GPR132: variants seen among roughly 807,000 people sequenced by gnomAD.
The protein encoded by GPR132 is probable G protein-coupled receptor 132.
A neutral mutation model predicts 1.9 loss-of-function variants in GPR132; 4 were observed. That is an observed-to-expected ratio of 2.13 (90% CI 1.05 to 4.87). The LOEUF (loss-of-function observed/expected upper bound fraction) is 4.87. Ranked by LOEUF, GPR132 falls within the 30% of genes most tolerant of loss-of-function variation. The pLI is 0.01. For missense variants in GPR132, 404 were observed against 512.5 expected, an observed-to-expected ratio of 0.79 and a Z score of 2.04; for synonymous variants, 233 against 234.2, an observed-to-expected ratio of 0.99 and a Z score of 0.05.
intron 3 of GPR132, chr14:105,054,423 TTTTC>T: frequency 8.6e-6 from 8 of 928,456 alleles, no homozygotes; most frequent in Non-Finnish European, 7.5e-6. Flanking sequence ...CGCTCTTTTT[TTTTC>T]TTTTTTTTTT....
intron 1 of GPR132, among the ~76,000 whole-genome samples, chr14:105,062,551 T>C (rs1170531621): frequency 2.0e-5 from 3 of 147,556 alleles, no homozygotes; most frequent in African/African-American, 7.5e-5. Context: ...TTTTTTTTTT[T>C]TTTTTTTGAG....
In GPR132 at chr14:105,056,147, T is replaced by A. The variant is rs553051143; in HGVS notation, c.-727A>T. 1 of 986,134 alleles carries A rather than the reference T, an allele frequency of 1.0e-6. No homozygotes were observed. Among genetic ancestry groups the A allele is most frequent in the East Asian group, 1.1e-4 (1 of 8,834 alleles). The allele number at this position is 986,134 out of a possible 1,614,324, so 61.1% of individuals were successfully genotyped here. ...TGGGTTTCTCCGGGTGAGTGTCGTG[T>A]CCCTTGCTCACCTTCCTCCCTGGGC... is the stretch of plus-strand genomic sequence containing the variant. On this transcript the variant is annotated 5_prime_UTR_variant, in exon 3 of 4. Transcript: ENST00000329797. This position sits in a 1 kb window ranked among gnomAD's most constrained non-coding sequence, Gnocchi z 6.0.
chr14:105,051,323 A>G lies in GPR132; in HGVS notation c.814T>C (p.Tyr272His). The stretch of plus-strand genomic sequence containing the variant: ...CACATGGCGTTCCTGTCTCCTCTGT[A>G]GTAGGAAAAGGCAGCGGCTTTGACG... ...LLVKAAAFSY[Y>H]RGDRNAMCGL... The change falls in exon 4 of 4, where the codon TAC becomes CAC. Residue 272 changes from tyrosine (Y) to histidine (H), a missense_variant. Physicochemically the swap from Tyr to His is moderately conservative, Grantham distance 83. Coordinates refer to ENST00000329797, the MANE Select transcript of GPR132 (RefSeq NM_013345.4). The surrounding 1 kb of genome is among the most constrained non-coding windows in gnomAD (Gnocchi z 8.0). The G allele has an allele frequency of 1.2e-6, 2 of 1,614,006 alleles. No homozygotes were observed. Among genetic ancestry groups the G allele is most frequent in the Non-Finnish European group, 1.7e-6 (2 of 1,179,852 alleles).
rs1306330556 is a variant in GPR132 at position 105,060,897 on chromosome 14, C to T, written c.-860-3617G>A. On this transcript the variant is annotated intron_variant, in intron 1 of 3. Coordinates refer to ENST00000329797, the MANE Select transcript of GPR132 (RefSeq NM_013345.4). This position sits in a 1 kb window ranked among gnomAD's most constrained non-coding sequence, Gnocchi z 6.3. Reference sequence around the variant, plus strand: ...ACGCTCCCCTCCCGGGCCCCAGCCGCAGGCAGAGGCTCACAGCGAGGCCCC... The same window carrying T: ...ACGCTCCCCTCCCGGGCCCCAGCCGTAGGCAGAGGCTCACAGCGAGGCCCC... Among the ~76,000 whole-genome samples the T allele has an allele frequency of 6.6e-6, 1 of 152,238 alleles. No homozygotes were observed. Among genetic ancestry groups the T allele is most frequent in the South Asian group, 2.1e-4 (1 of 4,834 alleles).
At position 105,051,818 on chromosome 14, in the gene GPR132, G is replaced by A. The variant is rs201002260; in HGVS notation, c.319C>T (p.Arg107Cys). The change falls in exon 4 of 4, where the codon CGC (arginine) becomes TGC (cysteine). Residue 107 changes from arginine to cysteine, a missense_variant. Transcript: ENST00000329797. This position sits in a 1 kb window ranked among gnomAD's most constrained non-coding sequence, Gnocchi z 8.0. ...LWVIYIRNQH[R>C]WTLGLLACKV... is the part of the protein sequence containing the mutation. ...CAGGCCAGCAGGCCTAGGGTCCAGC[G>A]GTGCTGGTTGCGGATATAGATGACC... The A allele has an allele frequency of 3.6e-5, 58 of 1,614,114 alleles. No homozygotes were observed. The highest frequency in any genetic ancestry group is 8.3e-5 in the Admixed American group (5 of 60,026).
chr14:105,057,687 ATT>A (rs569000530), intron 1 of GPR132, among the ~76,000 whole-genome samples: 35 of 100,378 alleles, frequency 3.5e-4, no homozygotes, highest in Admixed American at 5.1e-4. Flanking sequence ...CCCCCAGCTA[ATT>A]TTTTTTTTTT....
Position 105,052,071 on chromosome 14 carries a change from C to A in GPR132, c.66G>T (p.Pro22=). ...TGGCGGAGAGGCCCAGGGAGGCCCACGGGGCAGTGGTGGTCACTGGGGTGG... is the reference window on the plus strand; with the variant it reads ...TGGCGGAGAGGCCCAGGGAGGCCCAAGGGGCAGTGGTGGTCACTGGGGTGG... ...GNATPVTTTA[P]WASLGLSAKT... Residue 22 remains proline (P), a synonymous_variant, in exon 4 of 4, where the codon CCG becomes CCT. Transcript: ENST00000329797. The A allele has an allele frequency of 6.3e-7, 1 of 1,594,462 alleles. No homozygotes were observed. Among genetic ancestry groups the A allele is most frequent in the Non-Finnish European group, 8.5e-7 (1 of 1,174,400 alleles).
intron 1 of GPR132, among the ~76,000 whole-genome samples, chr14:105,058,330 C>T (rs957246692): frequency 2.0e-5 from 3 of 152,122 alleles, no homozygotes; most frequent in East Asian, 1.9e-4. Flanking sequence ...TGCTGCACTC[C>T]GGCCTGGCTA....
intron 1 of GPR132, among the ~76,000 whole-genome samples, chr14:105,062,733 G>C (rs1886981152): frequency 6.6e-6 from 1 of 151,404 alleles, no homozygotes; most frequent in Admixed American, 6.6e-5. Flanking sequence ...TAGAAACAGG[G>C]TTTTGCCATG....
In GPR132 at chr14:105,051,105, G is replaced by C. The variant is rs778680528; in HGVS notation, c.1032C>G (p.Thr344=). The C allele has an allele frequency of 6.2e-7, 1 of 1,614,156 alleles. No homozygotes were observed. The highest frequency in any genetic ancestry group is 8.5e-7 in the Non-Finnish European group (1 of 1,180,010). The change falls in exon 4 of 4, where the codon ACC becomes ACG. Residue 344 remains threonine, a synonymous_variant. Coordinates refer to ENST00000329797, the MANE Select transcript of GPR132 (RefSeq NM_013345.4). The surrounding 1 kb of genome is among the most constrained non-coding windows in gnomAD (Gnocchi z 8.0). ...GGGCCACGGGCGACTGCAGCTCCTC[G>C]GTGTCCCTGCTGTGGGTGAGCCTGG... ...DVTRLTHSRD[T]EELQSPVALA...
intron 3 of GPR132, chr14:105,054,319 C>T: frequency 1.0e-6 from 1 of 985,406 alleles, no homozygotes; most frequent in Non-Finnish European, 1.2e-6. Flanking sequence ...GTCGTAGTTT[C>T]CTTGACCTCC....
intron 1 of GPR132, among the ~76,000 whole-genome samples, chr14:105,062,751 G>A (rs1886981605): frequency 6.6e-6 from 1 of 151,590 alleles, no homozygotes; most frequent in Non-Finnish European, 1.5e-5. Flanking sequence ...ATGTTGCCTA[G>A]GCAGGTCTTG....
chr14:105,061,744 G>C (rs550260756), intron 1 of GPR132, among the ~76,000 whole-genome samples: 17 of 150,082 alleles, frequency 1.1e-4, no homozygotes, highest in Non-Finnish European at 1.8e-4. Context: ...CACCCTCCTG[G>C]GGGGGGGGAG....
At position 105,051,838 on chromosome 14, in the gene GPR132, A is replaced by G. The variant is rs1467975608; in HGVS notation, c.299T>C (p.Ile100Thr). The G allele has an allele frequency of 3.1e-6, 5 of 1,613,954 alleles. No homozygotes were observed. The African/African-American group carries it at 4.0e-5, about 13-fold the overall frequency. Residue 100 changes from isoleucine (I) to threonine (T), a missense_variant, in exon 4 of 4, where the codon ATC (isoleucine) becomes ACC (threonine). By Grantham distance (89) the Ile-to-Thr change is moderately conservative (BLOSUM62 -1). Transcript: ENST00000329797. The surrounding 1 kb of genome is among the most constrained non-coding windows in gnomAD (Gnocchi z 8.0). ...LYTGTLPLWV[I>T]YIRNQHRWTL... ...CCAGCGGTGCTGGTTGCGGATATAG[A>G]TGACCCAGAGTGGCAGCGTGCCTGT...
chr14:105,051,856 G>A lies in GPR132; in HGVS notation c.281C>T (p.Thr94Met). The change falls in exon 4 of 4, where the codon ACG becomes ATG. Residue 94 changes from threonine (T) to methionine (M), a missense_variant. Transcript: ENST00000329797. This position sits in a 1 kb window ranked among gnomAD's most constrained non-coding sequence, Gnocchi z 8.0. ...GATATAGATGACCCAGAGTGGCAGC[G>A]TGCCTGTGTACAGCAGCTCGCAGAG... ...LALCELLYTGTLPLWVIYIRN... is the reference protein window; with the variant it reads ...LALCELLYTGMLPLWVIYIRN... The A allele has an allele frequency of 1.2e-6, 2 of 1,613,954 alleles. No homozygotes were observed. Among genetic ancestry groups the A allele is most frequent in the Non-Finnish European group, 1.7e-6 (2 of 1,180,024 alleles).
intron 2 of GPR132, 74 bp downstream of exon 2, chr14:105,057,093 G>A: frequency 9.3e-7 from 1 of 1,075,854 alleles, no homozygotes; most frequent in Non-Finnish European, 1.4e-6. Context: ...TTTGAATTAT[G>A]AGACAACATG....
rs118043270 is a variant in GPR132, at chr14:105,054,109, T to G, written c.34+1278A>C. 5,477 of 1,288,052 alleles carry G rather than the reference T, an allele frequency of 4.3e-3. 18 individuals are homozygous for G. The highest frequency in any genetic ancestry group is 4.6e-3 in the Non-Finnish European group (4,510 of 988,138). 79.8% of individuals were successfully genotyped at this position (1,288,052 alleles called of 1,614,324 possible). The stretch of plus-strand genomic sequence containing the variant: ...CTTCTGGGCCTTCTGTGGTTACAGA[T>G]CATGGAGTCCCACCTCCAGGTCAGC... On this transcript the variant is annotated intron_variant, in intron 3 of 3. Transcript: ENST00000329797.
chr14:105,051,968 C>A lies in GPR132; in HGVS notation c.169G>T (p.Val57Leu). ...CACGCAGTCAGGCAGTTGGCCGGCACCCCCAGCGTGCACACCGCGCTGTAC... is the reference window on the plus strand; with the variant it reads ...CACGCAGTCAGGCAGTTGGCCGGCAACCCCAGCGTGCACACCGCGCTGTAC... The part of the protein sequence containing the change: ...VVYSAVCTLG[V>L]PANCLTAWLA... Residue 57 changes from valine (V) to leucine (L), a missense_variant, in exon 4 of 4, where the codon GTG becomes TTG. By Grantham distance (32) the Val-to-Leu change is conservative (BLOSUM62 1). Transcript: ENST00000329797. The surrounding 1 kb of genome is among the most constrained non-coding windows in gnomAD (Gnocchi z 8.0). 1 of 1,613,266 alleles carries A rather than the reference C, an allele frequency of 6.2e-7. No individual in the cohort carries two copies. Among genetic ancestry groups the A allele is most frequent in the Non-Finnish European group, 8.5e-7 (1 of 1,179,930 alleles).
intron 1 of GPR132, among the ~76,000 whole-genome samples, chr14:105,062,602 G>A (rs538594183): frequency 9.9e-5 from 14 of 141,826 alleles, no homozygotes; most frequent in East Asian, 8.4e-4. Flanking sequence ...GTAAAGTGGC[G>A]CGATCTTGGC....
Sources: allele counts gnomAD v4.1 joint callset (sites outside exome capture counted in the v4.1 genomes callset), GRCh38; gene constraint gnomAD v4.1.1; non-coding constraint Gnocchi (gnomAD v3.1); transcripts MANE v1.5; gene names NCBI Gene and HGNC (gene_info 2026-07-23, HGNC 2026-07-21).